Variants in WDPCP observed in about 807,000 individuals in gnomAD.
WDPCP encodes WD repeat containing planar cell polarity effector.
WDPCP carries 71 observed loss-of-function variants against 93.1 expected under a neutral mutation model. The observed-to-expected ratio is 0.76, with a 90% confidence interval of 0.63 to 0.93. The LOEUF (loss-of-function observed/expected upper bound fraction) is 0.93, where lower values mean the gene tolerates loss of function less well. WDPCP is among the 40% of genes least tolerant of loss of function. The pLI is 0.00. For missense variants in WDPCP, 844 were observed against 887.4 expected (o/e 0.95, Z 0.62); for synonymous variants, 315 against 315.0 (o/e 1.00, Z 0.00).
chr2:63,543,422 G>C (rs1168352497), intron 1 of WDPCP, among the ~76,000 whole-genome samples: 1 of 152,002 alleles, frequency 6.6e-6, no homozygotes, highest in African/African-American at 2.4e-5. Context: ...AAATGTAACA[G>C]AAACATTATT....
chr2:63,251,929 C>T (rs1680760998), intron 14 of WDPCP, among the ~76,000 whole-genome samples: 1 of 151,816 alleles, frequency 6.6e-6, no homozygotes, highest in Non-Finnish European at 1.5e-5. Context: ...CTTCATAACT[C>T]ATTCTATGAA....
intron 17 of WDPCP, among the ~76,000 whole-genome samples, chr2:63,135,536 T>C (rs1670558121): frequency 1.3e-5 from 2 of 152,120 alleles, no homozygotes; most frequent in African/African-American, 4.8e-5. Flanking sequence ...TTCACCATGT[T>C]GGCCAGGCTG....
intron 2 of WDPCP, among the ~76,000 whole-genome samples, chr2:63,793,309 C>T (rs1670569059): frequency 6.6e-6 from 1 of 152,074 alleles, no homozygotes; most frequent in Non-Finnish European, 1.5e-5. Context: ...ATACATTTTC[C>T]AAAATGATTG....
chr2:63,347,712 T>C (rs939212333), intron 12 of WDPCP, among the ~76,000 whole-genome samples: 2 of 142,890 alleles, frequency 1.4e-5, no homozygotes, highest in Admixed American at 1.5e-4. Context: ...AAGAAATAAC[T>C]TCTGAGAGGG....
intron 1 of WDPCP, among the ~76,000 whole-genome samples, chr2:63,562,963 T>A (rs907789009): frequency 6.6e-6 from 1 of 152,142 alleles, no homozygotes; most frequent in Non-Finnish European, 1.5e-5. Context: ...ATGTGGACAC[T>A]AGTGTGCTCA....
chr2:63,603,926 G>T (rs1313728526), intron 3 of WDPCP, among the ~76,000 whole-genome samples: 5 of 152,128 alleles, frequency 3.3e-5, no homozygotes, highest in Admixed American at 2.0e-4. Flanking sequence ...CAAAGTGCTG[G>T]GATTACAGGC....
intron 14 of WDPCP, among the ~76,000 whole-genome samples, chr2:63,206,510 G>A (rs1246138167): frequency 6.6e-6 from 1 of 152,050 alleles, no homozygotes; most frequent in African/African-American, 2.4e-5. Context: ...AGGCTGGAGT[G>A]CAGTGGCTCA....
intron 13 of WDPCP, among the ~76,000 whole-genome samples, chr2:63,266,981 C>A (rs998905649): frequency 6.6e-6 from 1 of 151,796 alleles, no homozygotes; most frequent in Non-Finnish European, 1.5e-5. Flanking sequence ...ATAGAAAAAA[C>A]AGTCCTAAAA....
intron 12 of WDPCP, among the ~76,000 whole-genome samples, chr2:63,324,055 G>A (rs1044175826): frequency 2.4e-4 from 36 of 152,054 alleles, no homozygotes; most frequent in Middle Eastern, 3.4e-3. Context: ...AAAAAGAGGT[G>A]GCTCATTTTT....
In WDPCP at chr2:63,619,911, C is replaced by T. The variant is rs138185465; in HGVS notation, n.488+30748G>A. ...GTGGGACATTGCCTCACCTGGGAAG[C>T]GCAAGGGGTCGGGGAACTCCCTCCC... On this transcript the variant is annotated intron_variant and non_coding_transcript_variant, in intron 3 of 4. Transcript: ENST00000467687. Among the ~76,000 whole-genome samples the T allele has an allele frequency of 3.2e-3, 484 of 152,264 alleles. 3 individuals are homozygous for T. Among genetic ancestry groups the T allele is most frequent in the Middle Eastern group, 0.014 (4 of 294 alleles).
chr2:63,423,625 C>T (rs1399139282), intron 9 of WDPCP, among the ~76,000 whole-genome samples: 1 of 152,130 alleles, frequency 6.6e-6, no homozygotes, highest in Non-Finnish European at 1.5e-5. Context: ...ATTATCAAGT[C>T]TACACATCTG....
At chr2:63,643,562 A>G (rs1056873502) in intron 3 of WDPCP, 4 of 430,978 alleles carry the variant, frequency 9.3e-6, no homozygotes, top group Admixed American at 5.8e-5. Flanking sequence ...CTCCAAACCA[A>G]TCTGAATCTG....
intron 3 of WDPCP, among the ~76,000 whole-genome samples, chr2:63,604,423 G>A (rs1709488365): frequency 6.6e-6 from 1 of 152,154 alleles, no homozygotes; most frequent in South Asian, 2.1e-4. Context: ...TACACCTACT[G>A]TACTAATAAG....
intron 1 of WDPCP, among the ~76,000 whole-genome samples, chr2:63,511,771 G>A (rs564546375): frequency 9.2e-5 from 14 of 152,254 alleles, no homozygotes; most frequent in South Asian, 2.1e-4. Context: ...AGATTTAAAC[G>A]TAAGACCTAA....
intron 13 of WDPCP, among the ~76,000 whole-genome samples, chr2:63,309,087 T>C (rs949149093): frequency 6.6e-6 from 1 of 152,086 alleles, no homozygotes; most frequent in Non-Finnish European, 1.5e-5. Flanking sequence ...AAGATGGAAA[T>C]AACAGACACT....
chr2:63,208,911 A>C (rs1196629148), intron 14 of WDPCP, among the ~76,000 whole-genome samples: 2 of 152,094 alleles, frequency 1.3e-5, no homozygotes, highest in Non-Finnish European at 2.9e-5. Context: ...CACCTGCATT[A>C]TTATTTCATA....
chr2:63,481,977 CA>C (rs991866380), intron 6 of WDPCP, among the ~76,000 whole-genome samples: 15 of 148,706 alleles, frequency 1.0e-4, no homozygotes, highest in Non-Finnish European at 1.3e-4. Flanking sequence ...TACTATCCTC[CA>C]AAAAAAAAGA....
chr2:63,450,291 G>T (rs2105629310), intron 6 of WDPCP, among the ~76,000 whole-genome samples: 1 of 152,224 alleles, frequency 6.6e-6, no homozygotes, highest in Middle Eastern at 3.4e-3. Context: ...TGAGAGACAG[G>T]GTTCCTCCCC....
intron 10 of WDPCP, among the ~76,000 whole-genome samples, chr2:63,392,931 C>T (rs1004989624): frequency 3.3e-5 from 5 of 152,220 alleles, no homozygotes; most frequent in African/African-American, 1.2e-4. Context: ...CACTTTTACA[C>T]TGTTGGTGGG....
Sources: allele counts gnomAD v4.1 joint callset (sites outside exome capture counted in the v4.1 genomes callset), GRCh38; gene constraint gnomAD v4.1.1; transcripts MANE v1.5; gene names NCBI Gene and HGNC (gene_info 2026-07-23, HGNC 2026-07-21).